Variants in PTCH1 observed in about 807,000 individuals in gnomAD.
The protein encoded by PTCH1 is protein patched homolog 1.
A neutral mutation model predicts 144.6 loss-of-function variants in PTCH1; 14 were observed. That is an observed-to-expected ratio of 0.10 (90% CI 0.06 to 0.15). The LOEUF (loss-of-function observed/expected upper bound fraction) is 0.15. PTCH1 is among the 10% of genes least tolerant of loss of function. PTCH1 has a pLI of 1.00. For missense variants in PTCH1, 1,623 were observed against 1,948.3 expected, an observed-to-expected ratio of 0.83 and a Z score of 3.14; for synonymous variants, 833 against 793.6, an observed-to-expected ratio of 1.05 and a Z score of -0.83.
chr9:95,478,279 T>C, intron 8 of PTCH1, 93 bp from the exon 9 acceptor site: 1 of 1,570,646 alleles, frequency 6.4e-7, no homozygotes, highest in South Asian at 1.1e-5. Flanking sequence ...GCGCAGCCCT[T>C]CTTTTTTTCT....
rs1212355994 is a variant in PTCH1, at chr9:95,458,620, A to T, written c.2888-327T>A. On this transcript the variant is annotated intron_variant, in intron 17 of 23. Transcript: ENST00000331920. The surrounding 1 kb of genome is among the most constrained non-coding windows in gnomAD (Gnocchi z 4.7). ...ACATATGAAAATACCAAGTTCACAC[A>T]GTTTTATTCAATCACTTGCAAGAGC... is the stretch of plus-strand genomic sequence containing the variant. Among the ~76,000 whole-genome samples, 1 of 152,246 alleles carries T rather than the reference A, an allele frequency of 6.6e-6. No homozygotes were observed. The highest frequency in any genetic ancestry group is 1.5e-5 in the Non-Finnish European group (1 of 68,046).
At chr9:95,446,798 G>T in intron 23 of PTCH1, 113 bp downstream of exon 23, 1 of 1,388,460 alleles carries the variant, frequency 7.2e-7, no homozygotes, top group Non-Finnish European at 1.0e-6. Flanking sequence ...GGTCCAGCGT[G>T]GGATGTGCCC....
In PTCH1 at chr9:95,447,091, G is replaced by A. The variant is rs1180812915; in HGVS notation, c.4165C>T (p.Pro1389Ser). 1.2e-6 allele frequency: 2 copies of A among 1,613,876 alleles called. No homozygotes were observed. Among genetic ancestry groups the A allele is most frequent in the African/African-American group, 1.3e-5 (1 of 75,066 alleles). ...VAVHPPPVPG[P>S]GRNPRGGLCP... ...AGTCCCCCTCGGGGGTTCCGCCCAG[G>A]CCCAGGGACAGGCGGCGGGTGCACG... Residue 1389 changes from proline to serine, a missense_variant, in exon 23 of 24, where the codon CCT becomes TCT. This residue lies in a region of PTCH1 where 291 missense variants were observed against 287.4 expected (regional missense o/e 1.01). Transcript: ENST00000331920.
intron 14 of PTCH1, among the ~76,000 whole-genome samples, chr9:95,467,722 G>A (rs1413668776): frequency 2.0e-5 from 3 of 152,034 alleles, no homozygotes; most frequent in Non-Finnish European, 4.4e-5. Flanking sequence ...TCGTGCCTCA[G>A]CCTCCCAAGT....
At chr9:95,494,288 G>A in intron 2 of PTCH1, 1 of 985,500 alleles carries the variant, frequency 1.0e-6, no homozygotes, top group Non-Finnish European at 1.2e-6. Context: ...ATGCAATCAG[G>A]TCAGCCCGGC....
chr9:95,473,503 T>C (rs1840758476), intron 12 of PTCH1, among the ~76,000 whole-genome samples: 1 of 151,670 alleles, frequency 6.6e-6, no homozygotes, highest in African/African-American at 2.4e-5. Context: ...ACTGCAAAAA[T>C]CATTGCACAC....
chr9:95,443,516 T>C lies in PTCH1; in HGVS notation c.*2877A>G, dbSNP rs1482310115. ...CATTTTCACCTTCCAAGGTTTGAAA[T>C]GAGAAGCATGCTAGGTCGCCAATGG... On this transcript the variant is annotated 3_prime_UTR_variant, in exon 24 of 24. Transcript: ENST00000331920. 1 of 152,650 alleles carries C rather than the reference T, an allele frequency of 6.6e-6. No homozygotes were observed. Among genetic ancestry groups the C allele is most frequent in the African/African-American group, 2.4e-5 (1 of 41,462 alleles). The allele number at this position is 152,650 out of a possible 1,614,324, so 9.5% of individuals were successfully genotyped here.
intron 2 of PTCH1, among the ~76,000 whole-genome samples, chr9:95,500,762 G>C (rs1322297791): frequency 6.6e-6 from 1 of 152,178 alleles, no homozygotes; most frequent in African/African-American, 2.4e-5. Flanking sequence ...TTCTGAAGGA[G>C]CTGTTATTTC....
At position 95,476,916 on chromosome 9, in the gene PTCH1, T is replaced by C; in HGVS notation, c.1504-59A>G. 4 of 1,508,752 alleles carry C rather than the reference T, an allele frequency of 2.7e-6. No individual in the cohort carries two copies. Among genetic ancestry groups the C allele is most frequent in the Non-Finnish European group, 3.7e-6 (4 of 1,095,032 alleles). The allele number at this position is 1,508,752 out of a possible 1,614,324, so 93.5% of individuals were successfully genotyped here. ...ATGCGAGATGCAATTCAGATGATTC[T>C]AAAGCTAGTTAGGACTCTGCCACCA... is the stretch of plus-strand genomic sequence containing the variant. On this transcript the variant is annotated intron_variant, in intron 10 of 23. Transcript: ENST00000331920. The surrounding 1 kb of genome is among the most constrained non-coding windows in gnomAD (Gnocchi z 4.6).
intron 15 of PTCH1, among the ~76,000 whole-genome samples, chr9:95,465,160 T>G (rs1457842595): frequency 6.6e-6 from 1 of 152,168 alleles, no homozygotes; most frequent in Non-Finnish European, 1.5e-5. Flanking sequence ...CAATGCTCTA[T>G]AAAAAGGTTA....
At position 95,508,286 on chromosome 9, in the gene PTCH1, G is replaced by C. The variant is rs1408427240; in HGVS notation, c.76C>G (p.Arg26Gly). Reference protein sequence around the residue: ...GGSGCIGAPGRPAGGGRRRRT... With the variant: ...GGSGCIGAPGGPAGGGRRRRT... ...CTGCGCCTCCCGCCTCCAGCCGGCC[G>C]TCCCGGGGCACCGATACAGCCGCTG... Residue 26 changes from arginine (R) to glycine (G), a missense_variant, in exon 1 of 24, where the codon CGG becomes GGG. This residue lies in a region of PTCH1 where 245 missense variants were observed against 240.6 expected (regional missense o/e 1.02). Coordinates refer to ENST00000331920, the MANE Select transcript of PTCH1 (RefSeq NM_000264.5). 6.5e-7 allele frequency: 1 copy of C among 1,541,548 alleles called. No homozygotes were observed. Among genetic ancestry groups the C allele is most frequent in the South Asian group, 1.2e-5 (1 of 83,566 alleles).
chr9:95,506,216 A>AGAT (rs951844700), intron 2 of PTCH1, 191 bp downstream of exon 2: 3 of 595,726 alleles, frequency 5.0e-6, no homozygotes, highest in Non-Finnish European at 8.4e-6. Context: ...CGCCCCGAGT[A>AGAT]GATTACAGCG....
At chr9:95,505,787 T>C (rs1227313156) in intron 2 of PTCH1, among the ~76,000 whole-genome samples, 1 of 151,856 alleles carries the variant, frequency 6.6e-6, no homozygotes, top group Non-Finnish European at 1.5e-5. Context: ...CCCCGCGTTT[T>C]TTGTACCTTG....
Position 95,481,103 on chromosome 9 carries a change from A to T in PTCH1, c.747-515T>A, listed in dbSNP as rs28446116. 7.9e-5 allele frequency among the ~76,000 whole-genome samples: 12 copies of T among 152,200 alleles called. No individual in the cohort carries two copies. In the East Asian group the frequency reaches 2.1e-3, roughly 27 times the overall value. On this transcript the variant is annotated intron_variant, in intron 5 of 23. Transcript: ENST00000331920. ...CAGCCTCTGCCATCACCACCATCAC[A>T]GCCACTTCCCCCCACACTCACTTTT...
intron 15 of PTCH1, 78 bp downstream of exon 15, chr9:95,467,038 C>G: frequency 6.8e-7 from 1 of 1,479,074 alleles, no homozygotes. Flanking sequence ...CTAACGCTCT[C>G]ATAATCATGA....
At chr9:95,474,674 T>C (rs1328639238) in intron 12 of PTCH1, among the ~76,000 whole-genome samples, 24 of 152,204 alleles carry the variant, frequency 1.6e-4, no homozygotes, top group Non-Finnish European at 1.5e-5. Flanking sequence ...GTAGGATCAG[T>C]AGTTGCCCAG....
chr9:95,456,547 G>A (rs1712979285), intron 18 of PTCH1, 134 bp from the exon 19 acceptor site: 2 of 1,231,292 alleles, frequency 1.6e-6, no homozygotes, highest in African/African-American at 1.5e-5. Context: ...CTTTAACTCT[G>A]GACACTGCCT....
intron 2 of PTCH1, among the ~76,000 whole-genome samples, chr9:95,493,059 C>A (rs1842537123): frequency 6.6e-6 from 1 of 152,178 alleles, no homozygotes; most frequent in South Asian, 2.1e-4. Flanking sequence ...CTCTGCTGAT[C>A]CTCTCATCCC....
Position 95,476,562 on chromosome 9 carries a change from C to T in PTCH1, c.1602+197G>A, listed in dbSNP as rs1457287171. 6.6e-6 allele frequency among the ~76,000 whole-genome samples: 1 copy of T among 152,140 alleles called. No individual in the cohort carries two copies. The highest frequency in any genetic ancestry group is 1.5e-5 in the Non-Finnish European group (1 of 68,028). ...ATTCCTAAAGGCACCCGAGATGCAG[C>T]TCTTGGGACTTCTCATAGCAAATAC... On this transcript the variant is annotated intron_variant, in intron 11 of 23. Transcript: ENST00000331920. The surrounding 1 kb of genome is among the most constrained non-coding windows in gnomAD (Gnocchi z 4.6).
Sources: allele counts gnomAD v4.1 joint callset (sites outside exome capture counted in the v4.1 genomes callset), GRCh38; gene constraint gnomAD v4.1.1; regional missense constraint gnomAD v4.1.1; non-coding constraint Gnocchi (gnomAD v3.1); transcripts MANE v1.5; gene names NCBI Gene and HGNC (gene_info 2026-07-23, HGNC 2026-07-21).